Variants in RCC2 observed in about 807,000 individuals in gnomAD.
RCC2 encodes regulator of chromosome condensation 2, also known as protein RCC2.
RCC2 carries 19 observed loss-of-function variants against 64.1 expected under a neutral mutation model. The ratio of observed to expected loss-of-function variants is 0.30; its 90% CI spans 0.21 to 0.44. RCC2 has a LOEUF of 0.44. RCC2 is among the 20% of genes least tolerant of loss of function. RCC2 has a pLI of 1.00. For missense variants in RCC2, 508 were observed against 710.4 expected, an observed-to-expected ratio of 0.72 and a Z score of 3.24; for synonymous variants, 325 against 279.6, an observed-to-expected ratio of 1.16 and a Z score of -1.62.
intron 2 of RCC2, among the ~76,000 whole-genome samples, chr1:17,430,919 T>C (rs2075668678): frequency 6.6e-6 from 1 of 151,924 alleles, no homozygotes; most frequent in South Asian, 2.1e-4. Flanking sequence ...GGTTTCACTA[T>C]GTTGGCCAGG....
rs754145459 is a variant in RCC2 at position 17,438,540 on chromosome 1, G to C, written c.-8-18C>G. On this transcript the variant is annotated intron_variant, in intron 1 of 12. Coordinates refer to ENST00000375436, the MANE Select transcript of RCC2 (RefSeq NM_018715.4). ...GGTCGCGGCTGGAGGGAGACACGGG[G>C]CAGCGGCGCACAATGGACGGGTTAT... 12 of 1,310,846 alleles carry C rather than the reference G, an allele frequency of 9.2e-6. No homozygotes were observed. The highest frequency in any genetic ancestry group is 3.1e-5 in the Admixed American group (1 of 32,610). 81.2% of individuals were successfully genotyped at this position (1,310,846 alleles called of 1,614,324 possible). A position where few individuals can be genotyped will look rare whatever the true frequency, so the allele number is the denominator to read the frequency against.
chr1:17,407,944 GCA>G lies in RCC2; in HGVS notation c.*1144_*1145del, dbSNP rs1416193371. ...GGCACCTCATAACTCACTCAGCGCA[GCA>G]CACACGGCGGCGAGCTCGGGCACTT... On this transcript the variant is annotated 3_prime_UTR_variant, in exon 13 of 13. Coordinates refer to ENST00000375436, the MANE Select transcript of RCC2 (RefSeq NM_018715.4). The G allele has an allele frequency of 6.6e-6, 1 of 152,556 alleles. No individual in the cohort carries two copies. Among genetic ancestry groups the G allele is most frequent in the African/African-American group, 2.4e-5 (1 of 41,454 alleles). 9.5% of individuals were successfully genotyped at this position (152,556 alleles called of 1,614,324 possible). A position where few individuals can be genotyped will look rare whatever the true frequency, so the allele number is the denominator to read the frequency against.
Position 17,438,278 on chromosome 1 carries a change from GC to G in RCC2, c.236del (p.Gly79AlafsTer29). 7.7e-7 allele frequency: 1 copy of G among 1,296,896 alleles called. No homozygotes were observed. The highest frequency in any genetic ancestry group is 9.9e-7 in the Non-Finnish European group (1 of 1,007,280). 80.3% of individuals were successfully genotyped at this position (1,296,896 alleles called of 1,614,324 possible). Reference protein sequence around the residue: ...AARPATAGKAGGAAVVITEPE... With the variant: ...AARPATAGKAXGAAVVITEPE... Reference sequence around the variant, plus strand: ...GTTCGGTGATGACCACGGCCGCGCCGCCCGCCTTGCCTGCTGTCGCCGGCCG... The same window carrying G: ...GTTCGGTGATGACCACGGCCGCGCCGCCGCCTTGCCTGCTGTCGCCGGCCG... On this transcript the variant is annotated frameshift_variant, in exon 2 of 13. Transcript: ENST00000375436. LOFTEE classifies it high-confidence loss of function.
chr1:17,422,903 C>T, intron 4 of RCC2, 67 bp from the exon 5 acceptor site: 10 of 1,585,440 alleles, frequency 6.3e-6, no homozygotes, highest in East Asian at 2.2e-5. Context: ...CAGGAGAAGG[C>T]GAGTACAAAC....
intron 6 of RCC2, among the ~76,000 whole-genome samples, 155 bp from the exon 7 acceptor site, chr1:17,420,983 C>T (rs1056303705): frequency 6.6e-6 from 1 of 152,096 alleles, no homozygotes; most frequent in Non-Finnish European, 1.5e-5. Context: ...ATTTCTAGAA[C>T]ACAAAGCTTA....
chr1:17,435,149 C>A (rs1217782449), intron 2 of RCC2, among the ~76,000 whole-genome samples: 3 of 152,022 alleles, frequency 2.0e-5, no homozygotes, highest in Non-Finnish European at 2.9e-5. Context: ...TGAGTGTGGC[C>A]GTGAGAGCGG....
rs1383151807 is a variant in RCC2 at position 17,408,939 on chromosome 1, T to C, written c.*151A>G. 1.7e-5 allele frequency: 11 copies of C among 653,320 alleles called. No individual in the cohort carries two copies. Among genetic ancestry groups the C allele is most frequent in the Non-Finnish European group, 2.8e-5 (10 of 360,788 alleles). 40.5% of individuals were successfully genotyped at this position (653,320 alleles called of 1,614,324 possible). ...AAAAAAGGTAGTTAACGTTGGATCA[T>C]GTGTAAAACGGAACCTCAGGGAGTC... is the stretch of plus-strand genomic sequence containing the variant. On this transcript the variant is annotated 3_prime_UTR_variant, in exon 13 of 13. Coordinates refer to ENST00000375436, the MANE Select transcript of RCC2 (RefSeq NM_018715.4).
intron 2 of RCC2, among the ~76,000 whole-genome samples, chr1:17,431,518 A>AAAG (rs1553158507): frequency 3.5e-5 from 5 of 144,782 alleles, no homozygotes; most frequent in African/African-American, 1.3e-4. Context: ...AAAAAAAAAA[A>AAAG]AAAGAAAGAA....
At chr1:17,433,718 A>G (rs2075707623) in intron 2 of RCC2, among the ~76,000 whole-genome samples, 1 of 152,210 alleles carries the variant, frequency 6.6e-6, no homozygotes, top group Admixed American at 6.5e-5. Flanking sequence ...TTCAATCAAC[A>G]AAATGGGATT....
Position 17,438,380 on chromosome 1 carries a change from G to GCTGCTA in RCC2, c.129_134dup (p.Ser45_Ser46dup), listed in dbSNP as rs1394064783. On this transcript the variant is annotated inframe_insertion, in exon 2 of 13. Coordinates refer to ENST00000375436, the MANE Select transcript of RCC2 (RefSeq NM_018715.4). ...CGTCGCCGCTGCTGCCGCCGCCGCT[G>GCTGCTA]CTGCTACTGCAGCGCTCGGGCCGCT... 17 of 1,251,056 alleles carry GCTGCTA rather than the reference G, an allele frequency of 1.4e-5. No individual in the cohort carries two copies. The highest frequency in any genetic ancestry group is 1.7e-5 in the Non-Finnish European group (17 of 1,002,372). 77.5% of individuals were successfully genotyped at this position (1,251,056 alleles called of 1,614,324 possible). A position where few individuals can be genotyped will look rare whatever the true frequency, so the allele number is the denominator to read the frequency against.
chr1:17,438,349 C>T lies in RCC2; in HGVS notation c.166G>A (p.Gly56Ser), dbSNP rs983059913. The T allele has an allele frequency of 2.3e-5, 28 of 1,240,666 alleles. No individual in the cohort carries two copies. Among genetic ancestry groups the T allele is most frequent in the East Asian group, 3.5e-5 (1 of 28,448 alleles). 76.9% of individuals were successfully genotyped at this position (1,240,666 alleles called of 1,614,324 possible). The change falls in exon 2 of 13, where the codon GGC becomes AGC. Residue 56 changes from glycine (G) to serine (S), a missense_variant. By Grantham distance (56) the Gly-to-Ser change is moderately conservative. Coordinates refer to ENST00000375436, the MANE Select transcript of RCC2 (RefSeq NM_018715.4). ...SGGGSSGDED[G>S]LELDGAPGGG... ...CCGGGGGCCCCGTCGAGCTCCAGGC[C>T]GTCCTCGTCGCCGCTGCTGCCGCCG... is the stretch of plus-strand genomic sequence containing the variant.
intron 8 of RCC2, among the ~76,000 whole-genome samples, chr1:17,415,645 G>A (rs543239428): frequency 3.3e-5 from 5 of 151,186 alleles, no homozygotes; most frequent in Admixed American, 3.3e-4. Flanking sequence ...GGAAGACAGA[G>A]GTTGCAGTGA....
intron 4 of RCC2, 139 bp downstream of exon 4, chr1:17,425,402 G>C: frequency 1.2e-6 from 1 of 844,672 alleles, no homozygotes. Flanking sequence ...TGGGAATTAG[G>C]AAAAAAGACA....
chr1:17,418,740 A>G (rs1449258006), intron 7 of RCC2, among the ~76,000 whole-genome samples: 1 of 152,234 alleles, frequency 6.6e-6, no homozygotes, highest in African/African-American at 2.4e-5. Context: ...CATCACAGTA[A>G]ATAGAATGCA....
chr1:17,427,601 C>T (rs2075631257), intron 3 of RCC2, among the ~76,000 whole-genome samples: 1 of 152,176 alleles, frequency 6.6e-6, no homozygotes, highest in South Asian at 2.1e-4. Flanking sequence ...TGACGAGTAT[C>T]ATCACGACCC....
At position 17,425,604 on chromosome 1, in the gene RCC2, C is replaced by T. The variant is rs769671322; in HGVS notation, c.460G>A (p.Val154Ile). Residue 154 changes from valine (V) to isoleucine (I), a missense_variant, in exon 4 of 13, where the codon GTC becomes ATC. Coordinates refer to ENST00000375436, the MANE Select transcript of RCC2 (RefSeq NM_018715.4). ...CTGTGTGCAGCACACGAGCCCGAGA[C>T]CACTGTCCGCACCCGGACCCCCGCC... ...CLAGVRVRTV[V>I]SGSCAAHSLL... 7.4e-6 allele frequency: 12 copies of T among 1,613,990 alleles called. No individual in the cohort carries two copies. Among genetic ancestry groups the T allele is most frequent in the Non-Finnish European group, 8.5e-6 (10 of 1,180,008 alleles).
intron 2 of RCC2, among the ~76,000 whole-genome samples, chr1:17,437,161 G>A (rs1271615677): frequency 6.6e-6 from 1 of 152,206 alleles, no homozygotes; most frequent in Non-Finnish European, 1.5e-5. Flanking sequence ...TAAAACGGAC[G>A]TAGAAAATGT....
At chr1:17,425,746 C>A in intron 3 of RCC2, 62 bp from the exon 4 acceptor site, 1 of 1,520,658 alleles carries the variant, frequency 6.6e-7, no homozygotes, top group Non-Finnish European at 9.0e-7. Context: ...TCCAAAATGT[C>A]ACTGGCCACC....
At chr1:17,412,048 T>TGG in intron 11 of RCC2, 74 bp downstream of exon 11, 1 of 1,309,052 alleles carries the variant, frequency 7.6e-7, no homozygotes, top group South Asian at 1.2e-5. Flanking sequence ...GGGAGACAGG[T>TGG]GGAGAGAACC....
Sources: gnomAD v4.1 joint callset for allele counts (sites outside exome capture counted in the v4.1 genomes callset) on GRCh38, gnomAD v4.1.1 for gene constraint, MANE v1.5 for transcripts, NCBI Gene and HGNC (gene_info 2026-07-23, HGNC 2026-07-21) for gene names.